Variants in SAMTOR observed in about 807,000 individuals in gnomAD.
The protein encoded by SAMTOR is S-adenosylmethionine sensor upstream of mTORC1.
At chr7:112,849,891 C>T in the SAMTOR span, among the ~76,000 whole-genome samples, 1 of 152,218 alleles carries the variant, frequency 6.6e-6, no homozygotes, top group East Asian at 1.9e-4. Context: ...ATATGAATGA[C>T]ATTTATTGAT....
the SAMTOR span, among the ~76,000 whole-genome samples, chr7:112,898,540 C>T: frequency 6.6e-6 from 1 of 152,212 alleles, no homozygotes; most frequent in Non-Finnish European, 1.5e-5. Context: ...CACTTCTAGA[C>T]CCACCCTGGG....
At chr7:112,837,615 C>A in the SAMTOR span, among the ~76,000 whole-genome samples, 1 of 151,918 alleles carries the variant, frequency 6.6e-6, no homozygotes, top group African/African-American at 2.4e-5. Context: ...ATCTTGCATT[C>A]TTTGGAAGGT....
At chr7:112,838,017 A>AT in the SAMTOR span, among the ~76,000 whole-genome samples, 1 of 151,908 alleles carries the variant, frequency 6.6e-6, no homozygotes, top group Non-Finnish European at 1.5e-5. Flanking sequence ...CTTCAACACC[A>AT]TATGTGGGGG....
chr7:112,918,252 G>A, the SAMTOR span, among the ~76,000 whole-genome samples: 34 of 152,292 alleles, frequency 2.2e-4, no homozygotes, highest in Middle Eastern at 3.4e-3. Flanking sequence ...GGATCTCTCG[G>A]CAGAAACTCT....
At chr7:112,902,462 C>CAAAAAAA in the SAMTOR span, among the ~76,000 whole-genome samples, 132 of 83,656 alleles carry the variant, frequency 1.6e-3, no homozygotes, top group East Asian at 8.6e-3. Context: ...AAAAAAAAAC[C>CAAAAAAA]AAAAAAGTTG....
chr7:112,893,239 C>T, the SAMTOR span, among the ~76,000 whole-genome samples: 1 of 152,196 alleles, frequency 6.6e-6, no homozygotes, highest in Non-Finnish European at 1.5e-5. Context: ...TAAAAGGCGC[C>T]TTCTTCTTCC....
At chr7:112,925,655 G>A in the SAMTOR span, among the ~76,000 whole-genome samples, 25 of 152,244 alleles carry the variant, frequency 1.6e-4, no homozygotes, top group African/African-American at 5.8e-4. Context: ...TTAGCCAGGT[G>A]TGGTGGCGCA....
At chr7:112,837,357 G>C in the SAMTOR span, among the ~76,000 whole-genome samples, 11 of 152,032 alleles carry the variant, frequency 7.2e-5, no homozygotes, top group Admixed American at 7.2e-4. Context: ...GGGTTTTCTA[G>C]ATATAGAATC....
At chr7:112,928,433 T>C in the SAMTOR span, among the ~76,000 whole-genome samples, 21 of 152,104 alleles carry the variant, frequency 1.4e-4, no homozygotes, top group Non-Finnish European at 2.9e-5. Context: ...TACTTTGTCA[T>C]TCATTTATAC....
At chr7:112,828,228 A>T in the SAMTOR span, among the ~76,000 whole-genome samples, 1 of 152,206 alleles carries the variant, frequency 6.6e-6, no homozygotes, top group South Asian at 2.1e-4. Context: ...AGTACCATGA[A>T]CTGGGTGGCT....
At chr7:112,924,988 C>A in the SAMTOR span, among the ~76,000 whole-genome samples, 1 of 152,148 alleles carries the variant, frequency 6.6e-6, no homozygotes, top group African/African-American at 2.4e-5. Flanking sequence ...AAGGTATACA[C>A]AAATGCTCCT....
chr7:112,877,875 G>A, the SAMTOR span, among the ~76,000 whole-genome samples: 12 of 152,242 alleles, frequency 7.9e-5, no homozygotes, highest in African/African-American at 1.4e-4. Flanking sequence ...TTCCTGCTTC[G>A]CCTTCCGCTG....
the SAMTOR span, among the ~76,000 whole-genome samples, chr7:112,890,396 A>G: frequency 1.3e-5 from 2 of 152,192 alleles, no homozygotes; most frequent in African/African-American, 2.4e-5. Context: ...ACTAAACATA[A>G]TAAGGGAGAC....
the SAMTOR span, among the ~76,000 whole-genome samples, chr7:112,925,861 A>G: frequency 2.0e-5 from 3 of 151,972 alleles, no homozygotes; most frequent in Non-Finnish European, 4.4e-5. Context: ...ATTGGGTGAG[A>G]ATCCTAGGAA....
chr7:112,822,431 CAT>C, the SAMTOR span: 1 of 1,397,328 alleles, frequency 7.2e-7, no homozygotes, highest in Non-Finnish European at 9.7e-7. Context: ...CACTTTAGTA[CAT>C]AGACTTTTCA....
At chr7:112,885,356 AACGGG>A in the SAMTOR span, among the ~76,000 whole-genome samples, 1 of 152,196 alleles carries the variant, frequency 6.6e-6, no homozygotes, top group Non-Finnish European at 1.5e-5. Context: ...CTCCCCAGAA[AACGGG>A]TTTTTCTTTT....
At chr7:112,826,732 T>TTA in the SAMTOR span, among the ~76,000 whole-genome samples, 1 of 152,132 alleles carries the variant, frequency 6.6e-6, no homozygotes, top group African/African-American at 2.4e-5. Flanking sequence ...CTAATAAAGG[T>TTA]GTTTAGTGCT....
At chr7:112,917,856 A>AGATGAAATG in the SAMTOR span, among the ~76,000 whole-genome samples, 2 of 152,192 alleles carry the variant, frequency 1.3e-5, no homozygotes, top group Non-Finnish European at 2.9e-5. Context: ...CAGTGATGGA[A>AGATGAAATG]GATGAAATGA....
At chr7:112,896,111 T>C in the SAMTOR span, among the ~76,000 whole-genome samples, 1 of 152,216 alleles carries the variant, frequency 6.6e-6, no homozygotes, top group African/African-American at 2.4e-5. Context: ...GAGCTGGCTT[T>C]ACTAGTAGTA....
Sources: allele counts gnomAD v4.1 joint callset (sites outside exome capture counted in the v4.1 genomes callset), GRCh38; gene constraint gnomAD v4.1.1; transcripts MANE v1.5; gene names NCBI Gene and HGNC (gene_info 2026-07-23, HGNC 2026-07-21).